Variants in TOP6BL observed in about 807,000 individuals in gnomAD.
TOP6BL encodes type 2 DNA topoisomerase 6 subunit B-like.
the TOP6BL span, among the ~76,000 whole-genome samples, chr11:66,804,755 T>C: frequency 9.2e-5 from 14 of 152,052 alleles, no homozygotes; most frequent in Non-Finnish European, 5.9e-5. Context: ...CTGGCCAATA[T>C]GGTGAAACCC....
At chr11:66,843,472 G>T in the TOP6BL span, 14 of 1,439,728 alleles carry the variant, frequency 9.7e-6, no homozygotes, top group Non-Finnish European at 1.2e-5. Flanking sequence ...GCGCTGGGCG[G>T]GGATGGGCTG....
the TOP6BL span, among the ~76,000 whole-genome samples, chr11:66,789,063 A>G: frequency 6.6e-6 from 1 of 152,178 alleles, no homozygotes; most frequent in Non-Finnish European, 1.5e-5. Context: ...GAACTTCAGC[A>G]TATGGATTTT....
At chr11:66,788,313 T>C in the TOP6BL span, 51 of 1,365,070 alleles carry the variant, frequency 3.7e-5, 1 homozygote, top group East Asian at 4.9e-4. Context: ...GATTTTATTC[T>C]TATTTTTCTG....
chr11:66,761,661 C>CCACA, the TOP6BL span: 6 of 1,102,582 alleles, frequency 5.4e-6, no homozygotes, highest in Non-Finnish European at 6.6e-6. Flanking sequence ...TCCACCAACT[C>CCACA]ATCTGCAAAA....
chr11:66,796,411 GT>G, the TOP6BL span: 1 of 1,412,754 alleles, frequency 7.1e-7, no homozygotes, highest in East Asian at 2.3e-5. Flanking sequence ...TTAAGTCATT[GT>G]TTTCCAGAGA....
At chr11:66,822,458 G>C in the TOP6BL span, 2 of 688,876 alleles carry the variant, frequency 2.9e-6, no homozygotes, top group Non-Finnish European at 5.1e-6. Flanking sequence ...TGGATAGGAA[G>C]AATTGTTGAA....
chr11:66,796,811 T>C, the TOP6BL span, among the ~76,000 whole-genome samples: 6 of 146,138 alleles, frequency 4.1e-5, no homozygotes, highest in African/African-American at 1.5e-4. Flanking sequence ...AAGACAACTT[T>C]CAACTTTCAA....
At chr11:66,747,236 GATTAA>G in the TOP6BL span, among the ~76,000 whole-genome samples, 1 of 151,894 alleles carries the variant, frequency 6.6e-6, no homozygotes, top group Non-Finnish European at 1.5e-5. Context: ...ACACCCGGTC[GATTAA>G]ATGTTTTACC....
At chr11:66,754,665 C>T in the TOP6BL span, among the ~76,000 whole-genome samples, 2 of 152,178 alleles carry the variant, frequency 1.3e-5, no homozygotes, top group Non-Finnish European at 2.9e-5. Flanking sequence ...ATGACCAGAT[C>T]TTTCAGTCTC....
At chr11:66,833,940 T>C in the TOP6BL span, among the ~76,000 whole-genome samples, 1 of 151,040 alleles carries the variant, frequency 6.6e-6, no homozygotes, top group Admixed American at 6.6e-5. Flanking sequence ...ACAGCAAGAC[T>C]CTGTCTCAAA....
At chr11:66,800,554 T>C in the TOP6BL span, 1 of 1,045,144 alleles carries the variant, frequency 9.6e-7, no homozygotes, top group Non-Finnish European at 1.4e-6. Flanking sequence ...TTTAAGCTTA[T>C]TCTTTTCCTT....
the TOP6BL span, among the ~76,000 whole-genome samples, chr11:66,794,258 C>T: frequency 6.6e-6 from 1 of 151,700 alleles, no homozygotes; most frequent in Non-Finnish European, 1.5e-5. Flanking sequence ...ATACCTAGTA[C>T]ATGGCTGTGT....
chr11:66,800,987 T>A, the TOP6BL span: 3 of 1,597,822 alleles, frequency 1.9e-6, no homozygotes, highest in East Asian at 2.2e-5. Context: ...AGAGATTGAT[T>A]TTAGAATCTT....
At chr11:66,838,999 G>A in the TOP6BL span, 2 of 383,676 alleles carry the variant, frequency 5.2e-6, no homozygotes, top group Non-Finnish European at 1.1e-5. Context: ...CCAAAGTGCT[G>A]GGATTACAGG....
chr11:66,757,259 C>T, the TOP6BL span, among the ~76,000 whole-genome samples: 1 of 152,084 alleles, frequency 6.6e-6, no homozygotes, highest in Admixed American at 6.5e-5. Context: ...AGGAGAATTG[C>T]ATGAACCTGG....
the TOP6BL span, among the ~76,000 whole-genome samples, chr11:66,746,165 C>T: frequency 6.6e-6 from 1 of 152,170 alleles, no homozygotes; most frequent in African/African-American, 2.4e-5. Context: ...TCTACACGTA[C>T]CTGGAAACCA....
chr11:66,794,033 G>A, the TOP6BL span, among the ~76,000 whole-genome samples: 1 of 149,494 alleles, frequency 6.7e-6, no homozygotes, highest in Non-Finnish European at 1.5e-5. Context: ...GGTTGCTGGA[G>A]CCCAGAAGTT....
the TOP6BL span, among the ~76,000 whole-genome samples, chr11:66,841,440 G>C: frequency 6.6e-6 from 1 of 152,064 alleles, no homozygotes; most frequent in African/African-American, 2.4e-5. Flanking sequence ...ACATCCAGGC[G>C]CTCACAAAGG....
At chr11:66,832,188 C>T in the TOP6BL span, among the ~76,000 whole-genome samples, 4 of 151,502 alleles carry the variant, frequency 2.6e-5, no homozygotes, top group South Asian at 2.1e-4. Context: ...AGCTCCACCC[C>T]CCGGGTTCAC....
Sources: allele counts gnomAD v4.1 joint callset (sites outside exome capture counted in the v4.1 genomes callset), GRCh38; gene constraint gnomAD v4.1.1; transcripts MANE v1.5; gene names NCBI Gene and HGNC (gene_info 2026-07-23, HGNC 2026-07-21).